Variants in ST7 observed in about 807,000 individuals in gnomAD.
ST7 encodes suppression of tumorigenicity 7.
Under a neutral mutation model 78.7 loss-of-function variants are expected in ST7, and 28 were observed. That is an observed-to-expected ratio of 0.36 (90% CI 0.26 to 0.49). The LOEUF is 0.49. ST7 is among the 20% of genes least tolerant of loss of function. The probability of loss-of-function intolerance (pLI) is 0.99; values close to 1 mark genes in which losing one functional copy is unlikely to be tolerated. For missense variants in ST7, 418 were observed against 696.0 expected, an observed-to-expected ratio of 0.60 and a Z score of 4.49; for synonymous variants, 247 against 249.6, an observed-to-expected ratio of 0.99 and a Z score of 0.10.
At chr7:117,179,490 C>T (rs1344956508) in intron 10 of ST7, among the ~76,000 whole-genome samples, 2 of 152,190 alleles carry the variant, frequency 1.3e-5, no homozygotes, top group Admixed American at 1.3e-4. Context: ...AGGGGCACTG[C>T]ATGCAGCAAG....
chr7:116,983,672 C>T (rs1267261173), intron 1 of ST7, among the ~76,000 whole-genome samples: 1 of 152,100 alleles, frequency 6.6e-6, no homozygotes, highest in African/African-American at 2.4e-5. Flanking sequence ...CTGTCCTCAC[C>T]TTGCTGAGTC....
At chr7:117,166,782 G>T (rs1292637679) in intron 9 of ST7, among the ~76,000 whole-genome samples, 1 of 152,082 alleles carries the variant, frequency 6.6e-6, no homozygotes. Context: ...CCAGCTACTT[G>T]GGAGGCTGAG....
At chr7:117,030,662 G>A (rs1414457943) in intron 1 of ST7, among the ~76,000 whole-genome samples, 1 of 152,120 alleles carries the variant, frequency 6.6e-6, no homozygotes, top group Non-Finnish European at 1.5e-5. Context: ...AGTCAGAATG[G>A]CCATTATTAA....
intron 1 of ST7, among the ~76,000 whole-genome samples, chr7:116,982,059 G>A (rs1320896231): frequency 6.6e-6 from 1 of 152,166 alleles, no homozygotes; most frequent in Admixed American, 6.5e-5. Flanking sequence ...ACATCATTAG[G>A]TGATAGGAAC....
chr7:117,121,873 T>C lies in ST7; in HGVS notation c.394+2153T>C, dbSNP rs554451167. On this transcript the variant is annotated intron_variant, in intron 3 of 15. Transcript: ENST00000323984. ...CAAAGAGACTGAGCTAGGAAATTCT[T>C]CCCACCTGTTTTATAAGAGGAGAAA... Among the ~76,000 whole-genome samples the C allele has an allele frequency of 1.0e-4, 14 of 139,288 alleles. No individual in the cohort carries two copies. The South Asian group carries it at 2.4e-3, about 24-fold the overall frequency. The allele number at this position is 139,288 out of a possible 152,430, so 91.4% of individuals were successfully genotyped here.
At chr7:116,970,240 C>G (rs1221880939) in intron 1 of ST7, among the ~76,000 whole-genome samples, 3 of 152,102 alleles carry the variant, frequency 2.0e-5, no homozygotes, top group African/African-American at 4.8e-5. Context: ...TTTGCTTTCT[C>G]CAGCAAGTCT....
chr7:117,014,969 G>A lies in ST7; in HGVS notation c.151+61278G>A, dbSNP rs774464052. On this transcript the variant is annotated intron_variant, in intron 1 of 15. Transcript: ENST00000323984. ...TTTCTGGCTGATAGAGTTGTACTTG[G>A]AAAATACTCAGTTTCCTGCTTACTG... The A allele has an allele frequency of 2.2e-6, 3 of 1,366,138 alleles. No individual in the cohort carries two copies. The South Asian group carries it at 6.0e-5, about 27-fold the overall frequency. The allele number at this position is 1,366,138 out of a possible 1,614,324, so 84.6% of individuals were successfully genotyped here.
chr7:117,141,528 GT>G (rs1443973060), intron 9 of ST7, among the ~76,000 whole-genome samples: 1 of 152,092 alleles, frequency 6.6e-6, no homozygotes, highest in Non-Finnish European at 1.5e-5. Flanking sequence ...TTCCCAGGAT[GT>G]TTTTCAAAAA....
Position 117,020,925 on chromosome 7 carries a change from T to G in ST7, c.151+67234T>G, listed in dbSNP as rs368012203. 5.7e-4 allele frequency among the ~76,000 whole-genome samples: 87 copies of G among 152,318 alleles called. 1 individual carries two copies. In the East Asian group the frequency reaches 9.5e-3, roughly 17 times the overall value. On this transcript the variant is annotated intron_variant, in intron 1 of 15. Coordinates refer to ENST00000323984, the MANE Select transcript of ST7 (RefSeq NM_001369598.1). ...TGGGATCAGGCCTGTCACTGATCTA[T>G]TGTTGTAGGCTCCGTAATGGTGCTT...
intron 1 of ST7, among the ~76,000 whole-genome samples, chr7:117,034,233 C>A (rs995875085): frequency 6.6e-6 from 1 of 152,162 alleles, no homozygotes; most frequent in Non-Finnish European, 1.5e-5. Context: ...GCCACTGTGC[C>A]TGGCCTGCTG....
At chr7:117,140,910 A>G (rs1805234422) in intron 9 of ST7, among the ~76,000 whole-genome samples, 1 of 152,158 alleles carries the variant, frequency 6.6e-6, no homozygotes, top group African/African-American at 2.4e-5. Context: ...TCCTTGCACC[A>G]CAAACAGAGG....
At chr7:117,090,764 T>C (rs1479122621) in intron 1 of ST7, 1 of 166,926 alleles carries the variant, frequency 6.0e-6, no homozygotes, top group Non-Finnish European at 1.5e-5. Context: ...AGATCTTCAT[T>C]ATCAAGTTTC....
At chr7:117,158,375 A>G (rs1273423698) in intron 9 of ST7, among the ~76,000 whole-genome samples, 5 of 152,228 alleles carry the variant, frequency 3.3e-5, no homozygotes, top group Admixed American at 6.5e-5. Context: ...TAAACGGATC[A>G]CAGTTTTGAC....
At chr7:117,067,554 T>C (rs1055607408) in intron 1 of ST7, among the ~76,000 whole-genome samples, 2 of 152,216 alleles carry the variant, frequency 1.3e-5, no homozygotes, top group Non-Finnish European at 2.9e-5. Context: ...AACAGGAGTC[T>C]GGCTGAATAT....
chr7:117,066,195 A>G (rs1300779819), intron 1 of ST7, among the ~76,000 whole-genome samples: 1 of 152,142 alleles, frequency 6.6e-6, no homozygotes, highest in African/African-American at 2.4e-5. Flanking sequence ...TGTGCCAATC[A>G]CCTGCCTTTA....
intron 6 of ST7, among the ~76,000 whole-genome samples, chr7:117,133,375 A>T (rs186624656): frequency 6.6e-5 from 10 of 151,896 alleles, no homozygotes; most frequent in African/African-American, 2.4e-4. Flanking sequence ...TTTAGAATGG[A>T]TCAATTATTT....
chr7:117,056,171 A>T (rs1359029904), intron 1 of ST7, among the ~76,000 whole-genome samples: 1 of 152,150 alleles, frequency 6.6e-6, no homozygotes, highest in Non-Finnish European at 1.5e-5. Flanking sequence ...ACCCACACAG[A>T]CACACCCAGG....
chr7:116,967,336 T>C (rs1562982509), intron 1 of ST7: 1 of 471,172 alleles, frequency 2.1e-6, no homozygotes, highest in East Asian at 6.9e-5. Context: ...CTTTGAGTGC[T>C]CCACTTGCGC....
chr7:117,130,351 A>T lies in ST7; in HGVS notation c.450-140A>T, dbSNP rs7809908. The T allele has an allele frequency of 2.6e-3, 1,307 of 503,130 alleles. 10 individuals are homozygous for T. Among genetic ancestry groups the T allele is most frequent in the African/African-American group, 0.023 (1,155 of 49,540 alleles). The allele number at this position is 503,130 out of a possible 1,614,324, so 31.2% of individuals were successfully genotyped here. ...CTGAAGGGAGAATAAGATGATTTTT[A>T]AAAATTTTTTTTATTCATTAGCAAA... is the stretch of plus-strand genomic sequence containing the variant. On this transcript the variant is annotated intron_variant, in intron 4 of 15. Coordinates refer to ENST00000323984, the MANE Select transcript of ST7 (RefSeq NM_001369598.1).
Sources: allele counts gnomAD v4.1 joint callset (sites outside exome capture counted in the v4.1 genomes callset), GRCh38; gene constraint gnomAD v4.1.1; transcripts MANE v1.5; gene names NCBI Gene and HGNC (gene_info 2026-07-23, HGNC 2026-07-21).